Variants in MACROH2A2 observed in about 807,000 individuals in gnomAD.
MACROH2A2 encodes core histone macro-H2A.2.
Under a neutral mutation model 37.6 loss-of-function variants are expected in MACROH2A2, and 6 were observed. That is an observed-to-expected ratio of 0.16 (90% CI 0.09 to 0.32). The LOEUF is 0.32. Among genes scored for constraint, MACROH2A2 ranks in the 10% least tolerant of loss-of-function variants. The probability of loss-of-function intolerance (pLI) is 1.00; values close to 1 mark genes in which losing one functional copy is unlikely to be tolerated. For missense variants in MACROH2A2, 290 were observed against 485.9 expected, an observed-to-expected ratio of 0.60 and a Z score of 3.79; for synonymous variants, 192 against 202.7, an observed-to-expected ratio of 0.95 and a Z score of 0.45.
rs1404207427 is a variant in MACROH2A2, at chr10:70,111,861, A to G, written c.*178A>G. 5 of 436,928 alleles carry G rather than the reference A, an allele frequency of 1.1e-5. No homozygotes were observed. In the East Asian group the frequency reaches 1.8e-4, roughly 15 times the overall value. 27.1% of individuals were successfully genotyped at this position (436,928 alleles called of 1,614,324 possible). On this transcript the variant is annotated 3_prime_UTR_variant, in exon 9 of 9. Coordinates refer to ENST00000373255, the MANE Select transcript of MACROH2A2 (RefSeq NM_018649.3). ...TCCTCCAAAAGAGCCTCCATCTGTAAGGAAGCAGGTCTCCGCGAGGGGTTT... is the reference window on the plus strand; with the variant it reads ...TCCTCCAAAAGAGCCTCCATCTGTAGGGAAGCAGGTCTCCGCGAGGGGTTT...
chr10:70,086,514 G>C (rs1036932592), intron 2 of MACROH2A2, among the ~76,000 whole-genome samples: 2 of 152,152 alleles, frequency 1.3e-5, no homozygotes, highest in African/African-American at 4.8e-5. Context: ...GTGAATGTCT[G>C]TGCATCTGTC....
At chr10:70,074,743 A>G (rs545796136) in intron 1 of MACROH2A2, among the ~76,000 whole-genome samples, 4 of 152,170 alleles carry the variant, frequency 2.6e-5, no homozygotes, top group Non-Finnish European at 5.9e-5. Flanking sequence ...CTACTGCCAT[A>G]TAAGACGTGC....
chr10:70,067,637 A>G (rs1427608109), intron 1 of MACROH2A2, among the ~76,000 whole-genome samples: 1 of 152,240 alleles, frequency 6.6e-6, no homozygotes, highest in Non-Finnish European at 1.5e-5. Flanking sequence ...AATAAAATAT[A>G]TATGTTATGA....
At chr10:70,074,059 G>A (rs758236824) in intron 1 of MACROH2A2, among the ~76,000 whole-genome samples, 12 of 152,058 alleles carry the variant, frequency 7.9e-5, no homozygotes, top group Non-Finnish European at 1.5e-4. Context: ...GCTCCTGACC[G>A]TTTGTCCCTT....
chr10:70,062,467 T>A (rs1300901361), intron 1 of MACROH2A2, among the ~76,000 whole-genome samples: 1 of 152,178 alleles, frequency 6.6e-6, no homozygotes, highest in African/African-American at 2.4e-5. Context: ...ATGAAAACAA[T>A]GTTTAAAGTT....
intron 1 of MACROH2A2, among the ~76,000 whole-genome samples, chr10:70,059,886 A>G (rs2072041258): frequency 6.6e-6 from 1 of 151,944 alleles, no homozygotes; most frequent in African/African-American, 2.4e-5. Flanking sequence ...CACAGAGAGG[A>G]TGGTGTGGTG....
Position 70,107,057 on chromosome 10 carries a change from C to T in MACROH2A2, c.779-1976C>T, listed in dbSNP as rs1043617870. 2.6e-5 allele frequency among the ~76,000 whole-genome samples: 4 copies of T among 152,134 alleles called. No homozygotes were observed. The highest frequency in any genetic ancestry group is 5.9e-5 in the Non-Finnish European group (4 of 68,022). On this transcript the variant is annotated intron_variant, in intron 7 of 8. Transcript: ENST00000373255. This position sits in a 1 kb window ranked among gnomAD's most constrained non-coding sequence, Gnocchi z 4.4. ...GTTCAGTCCAAAGAGGGACACTCTGCTTCTGGTGCACAAATATACGTGGTC... is the reference window on the plus strand; with the variant it reads ...GTTCAGTCCAAAGAGGGACACTCTGTTTCTGGTGCACAAATATACGTGGTC...
chr10:70,111,278 A>G (rs745786033), intron 8 of MACROH2A2, among the ~76,000 whole-genome samples: 4 of 152,134 alleles, frequency 2.6e-5, no homozygotes, highest in African/African-American at 4.8e-5. Context: ...CAAAACAAAT[A>G]AATTAATTTA....
In MACROH2A2 at chr10:70,109,212, G is replaced by T; in HGVS notation, c.953+5G>T. 1 of 1,612,428 alleles carries T rather than the reference G, an allele frequency of 6.2e-7. No individual in the cohort carries two copies. The highest frequency in any genetic ancestry group is 8.5e-7 in the Non-Finnish European group (1 of 1,178,898). ...CCCGCCTTTCCCCAGCGGCAGGTAA[G>T]ATGCAGTTCCCCTGAGTTGATTCCT... On this transcript the variant is annotated splice_donor_5th_base_variant and intron_variant, in intron 8 of 8. Transcript: ENST00000373255.
chr10:70,089,723 C>G (rs2072232236), intron 2 of MACROH2A2, among the ~76,000 whole-genome samples: 2 of 151,982 alleles, frequency 1.3e-5, no homozygotes, highest in South Asian at 4.2e-4. Context: ...TCTCTGTGAC[C>G]TGACTTATTT....
chr10:70,070,282 C>T (rs2172075), intron 1 of MACROH2A2, among the ~76,000 whole-genome samples: 6,897 of 152,266 alleles, frequency 0.045, 182 homozygotes, highest in Non-Finnish European at 0.057. Context: ...GATGGAGCTG[C>T]ATCCCCCACC....
In MACROH2A2 at chr10:70,112,227, T is replaced by TAA. The variant is rs955556155; in HGVS notation, c.*545_*546dup. 2.6e-5 allele frequency: 4 copies of TAA among 152,170 alleles called. No homozygotes were observed. The highest frequency in any genetic ancestry group is 6.6e-5 in the Admixed American group (1 of 15,264). 9.4% of individuals were successfully genotyped at this position (152,170 alleles called of 1,614,324 possible). ...TTTTTTTGGTTTCATTTTGTTTTTTTAAGAAAAAGAAAATGAAAGGAAAAA... is the reference window on the plus strand; with the variant it reads ...TTTTTTTGGTTTCATTTTGTTTTTTTAAAAGAAAAAGAAAATGAAAGGAAAAA... On this transcript the variant is annotated 3_prime_UTR_variant, in exon 9 of 9. Transcript: ENST00000373255.
intron 7 of MACROH2A2, among the ~76,000 whole-genome samples, chr10:70,108,561 A>C (rs2072351165): frequency 6.6e-6 from 1 of 152,192 alleles, no homozygotes; most frequent in Admixed American, 6.5e-5. Context: ...AGGCTCACCC[A>C]GACAGTCCAG....
chr10:70,101,159 A>G (rs761617439), intron 7 of MACROH2A2, among the ~76,000 whole-genome samples: 23 of 152,220 alleles, frequency 1.5e-4, no homozygotes, highest in Non-Finnish European at 2.9e-4. Context: ...GCGGTTGTGA[A>G]GGCCCCGAGC....
intron 1 of MACROH2A2, among the ~76,000 whole-genome samples, chr10:70,062,981 C>A (rs2072058388): frequency 6.6e-6 from 1 of 151,854 alleles, no homozygotes. Context: ...AACCAAATAC[C>A]ACCAATAAAA....
At chr10:70,074,628 G>A (rs1589833324) in intron 1 of MACROH2A2, among the ~76,000 whole-genome samples, 1 of 152,222 alleles carries the variant, frequency 6.6e-6, no homozygotes, top group East Asian at 1.9e-4. Context: ...TTGAATCATG[G>A]GGGTGGTTTC....
At chr10:70,074,089 T>A (rs1335095323) in intron 1 of MACROH2A2, among the ~76,000 whole-genome samples, 1 of 152,370 alleles carries the variant, frequency 6.6e-6, no homozygotes, top group East Asian at 1.9e-4. Context: ...TTTTACTTAC[T>A]GAAGATTATA....
In MACROH2A2 at chr10:70,091,782, G is replaced by A; in HGVS notation, c.305G>A (p.Ser102Asn). The part of the protein sequence containing the change: ...NQLLKGVTIA[S>N]GGVLPRIHPE... Reference sequence around the variant, plus strand: ...CTGCTAAAAGGAGTGACCATCGCCAGTGGAGGCGTCCTGCCCAGAATTCAC... The same window carrying A: ...CTGCTAAAAGGAGTGACCATCGCCAATGGAGGCGTCCTGCCCAGAATTCAC... The change falls in exon 4 of 9, where the codon AGT (serine) becomes AAT (asparagine). Residue 102 changes from serine to asparagine, a missense_variant. Ser to Asn is a conservative substitution (Grantham distance 46). Coordinates refer to ENST00000373255, the MANE Select transcript of MACROH2A2 (RefSeq NM_018649.3). 1 of 1,613,944 alleles carries A rather than the reference G, an allele frequency of 6.2e-7. No individual in the cohort carries two copies. The highest frequency in any genetic ancestry group is 8.5e-7 in the Non-Finnish European group (1 of 1,179,946).
intron 2 of MACROH2A2, among the ~76,000 whole-genome samples, chr10:70,079,250 C>A (rs2072158513): frequency 6.6e-6 from 1 of 151,876 alleles, no homozygotes; most frequent in Non-Finnish European, 1.5e-5. Flanking sequence ...GCCTGGGTCC[C>A]ACCCCCGAGA....
Sources: allele counts gnomAD v4.1 joint callset (sites outside exome capture counted in the v4.1 genomes callset), GRCh38; gene constraint gnomAD v4.1.1; non-coding constraint Gnocchi (gnomAD v3.1); transcripts MANE v1.5; gene names NCBI Gene and HGNC (gene_info 2026-07-23, HGNC 2026-07-21).